The following HIF1A variants were observed in gnomAD, a reference collection of about 807,000 sequenced individuals.
HIF1A encodes hypoxia-inducible factor 1-alpha.
In HIF1A, 24 loss-of-function variants were observed where a neutral mutation model predicts 92.7. The ratio of observed to expected loss-of-function variants is 0.26; its 90% CI spans 0.19 to 0.36. The LOEUF (loss-of-function observed/expected upper bound fraction) is 0.36, where lower values mean the gene tolerates loss of function less well. Among genes scored for constraint, HIF1A ranks in the 10% least tolerant of loss-of-function variants. HIF1A has a pLI of 1.00. For synonymous variants in HIF1A, 319 were observed against 338.7 expected (o/e 0.94, Z 0.64); for missense variants, 799 against 998.5 (o/e 0.80, Z 2.69).
At chr14:61,700,181 A>G (rs2044162730) in intron 1 of HIF1A, among the ~76,000 whole-genome samples, 1 of 152,146 alleles carries the variant, frequency 6.6e-6, no homozygotes, top group Non-Finnish European at 1.5e-5. Context: ...TTAACCTAAA[A>G]TTTACCATCT....
intron 7 of HIF1A, among the ~76,000 whole-genome samples, chr14:61,733,777 G>A (rs1382392549): frequency 1.3e-5 from 2 of 152,142 alleles, no homozygotes; most frequent in Non-Finnish European, 2.9e-5. Context: ...GGAAACCATA[G>A]TCAGAATTTA....
At chr14:61,717,973 A>C (rs1334357377) in intron 1 of HIF1A, among the ~76,000 whole-genome samples, 1 of 151,496 alleles carries the variant, frequency 6.6e-6, no homozygotes, top group African/African-American at 2.4e-5. Flanking sequence ...GTGAACCAAG[A>C]TCTTGCCATT....
At chr14:61,732,620 TC>T (rs2044590252) in intron 7 of HIF1A, 96 bp downstream of exon 7, 4 of 733,368 alleles carry the variant, frequency 5.5e-6, no homozygotes, top group Non-Finnish European at 9.4e-6. Flanking sequence ...GGTTAAAAGT[TC>T]TAGACTAAAT....
Position 61,721,498 on chromosome 14 carries a change from GC to G in HIF1A, c.227-8del, listed in dbSNP as rs2044426628. ...TAACTAATTATTTTCCTCTTCTTGT[GC>G]CCTTTTTAGGTGATTTGGATATTGA... On this transcript the variant is annotated splice_polypyrimidine_tract_variant and intron_variant, in intron 2 of 14. Coordinates refer to ENST00000337138, the MANE Select transcript of HIF1A (RefSeq NM_001530.4). 4 of 1,605,062 alleles carry G rather than the reference GC, an allele frequency of 2.5e-6. No homozygotes were observed. Among genetic ancestry groups the G allele is most frequent in the Non-Finnish European group, 2.6e-6 (3 of 1,174,284 alleles).
At chr14:61,730,039 G>A (rs1338607591) in intron 6 of HIF1A, among the ~76,000 whole-genome samples, 2 of 152,046 alleles carry the variant, frequency 1.3e-5, no homozygotes, top group East Asian at 1.9e-4. Context: ...ACTATACTGA[G>A]TAATAATCAT....
intron 4 of HIF1A, among the ~76,000 whole-genome samples, chr14:61,725,983 C>T (rs2044498668): frequency 6.6e-6 from 1 of 151,900 alleles, no homozygotes; most frequent in Non-Finnish European, 1.5e-5. Flanking sequence ...TCACACCCAG[C>T]TAATTTTTGT....
In HIF1A at chr14:61,741,125, T is replaced by C. The variant is rs2140157026; in HGVS notation, c.2030T>C (p.Ile677Thr). The C allele has an allele frequency of 1.2e-6, 2 of 1,613,474 alleles. No individual in the cohort carries two copies. The highest frequency in any genetic ancestry group is 1.7e-6 in the Non-Finnish European group (2 of 1,179,864). Reference protein sequence around the residue: ...ASPNRAGKGVIEQTEKSHPRS... With the variant: ...ASPNRAGKGVTEQTEKSHPRS... ...CCAAACAGAGCAGGAAAAGGAGTCA[T>C]AGAACAGACAGAAAAATCTCATCCA... Residue 677 changes from isoleucine (I) to threonine (T), a missense_variant, in exon 12 of 15, where the codon ATA (isoleucine) becomes ACA (threonine). This residue lies in a region of HIF1A where 283 missense variants were observed against 277.5 expected (regional missense o/e 1.02). Transcript: ENST00000337138.
rs2044103081 is a variant in HIF1A, at chr14:61,695,604, TGAG to T, written c.-197_-195del. ...TCGGGCTGGGCCCTGACAAGCCACC[TGAG>T]GAGAGGCTCGGAGCCGGGCCCGGAC... On this transcript the variant is annotated 5_prime_UTR_variant, in exon 1 of 15. Coordinates refer to ENST00000337138, the MANE Select transcript of HIF1A (RefSeq NM_001530.4). 1.6e-6 allele frequency: 1 copy of T among 612,478 alleles called. No homozygotes were observed. The highest frequency in any genetic ancestry group is 2.0e-5 in the South Asian group (1 of 50,880). 37.9% of individuals were successfully genotyped at this position (612,478 alleles called of 1,614,324 possible).
chr14:61,736,572 T>C (rs1464750812), intron 8 of HIF1A, among the ~76,000 whole-genome samples: 1 of 152,216 alleles, frequency 6.6e-6, no homozygotes, highest in Non-Finnish European at 1.5e-5. Context: ...AGTGAGAACA[T>C]GCAGCATTTG....
chr14:61,735,780 C>T (rs928581560), intron 8 of HIF1A, among the ~76,000 whole-genome samples: 3 of 152,184 alleles, frequency 2.0e-5, no homozygotes, highest in Non-Finnish European at 2.9e-5. Flanking sequence ...TATGGCCCCT[C>T]TCTTAGAAAG....
At chr14:61,743,002 G>C (rs534246004) in intron 12 of HIF1A, among the ~76,000 whole-genome samples, 39 of 151,508 alleles carry the variant, frequency 2.6e-4, no homozygotes, top group African/African-American at 9.0e-4. Flanking sequence ...GGGATATCCA[G>C]TTTTCTGAAC....
intron 12 of HIF1A, among the ~76,000 whole-genome samples, chr14:61,743,258 A>G (rs963087421): frequency 1.3e-5 from 2 of 151,886 alleles, no homozygotes; most frequent in African/African-American, 4.8e-5. Flanking sequence ...TTTAGTAGAG[A>G]CAGTGTTTCT....
At chr14:61,723,800 AG>A (rs1456381104) in intron 4 of HIF1A, among the ~76,000 whole-genome samples, 1 of 152,242 alleles carries the variant, frequency 6.6e-6, no homozygotes, top group Non-Finnish European at 1.5e-5. Context: ...GTCTTAATAT[AG>A]TTTAAATGTA....
intron 4 of HIF1A, among the ~76,000 whole-genome samples, chr14:61,723,904 C>T (rs932415795): frequency 6.6e-6 from 1 of 152,114 alleles, no homozygotes; most frequent in African/African-American, 2.4e-5. Flanking sequence ...CATTGGGAAA[C>T]TAAAATGCAG....
At chr14:61,697,786 T>G in intron 1 of HIF1A, 2 of 1,449,360 alleles carry the variant, frequency 1.4e-6, no homozygotes, top group Non-Finnish European at 1.8e-6. Flanking sequence ...TTACAGTTTT[T>G]TGAAAGATAA....
chr14:61,731,614 G>A (rs2044576560), intron 6 of HIF1A, among the ~76,000 whole-genome samples: 1 of 151,360 alleles, frequency 6.6e-6, no homozygotes, highest in African/African-American at 2.4e-5. Context: ...TATTAGAATT[G>A]TGTAATGGCT....
Position 61,739,455 on chromosome 14 carries a change from A to C in HIF1A, c.1537-1050A>C, listed in dbSNP as rs2301112. Among the ~76,000 whole-genome samples the C allele has an allele frequency of 1.3e-3, 202 of 152,330 alleles. 5 individuals are homozygous for C. The East Asian group carries it at 0.035, about 26-fold the overall frequency. On this transcript the variant is annotated intron_variant, in intron 10 of 14. Coordinates refer to ENST00000337138, the MANE Select transcript of HIF1A (RefSeq NM_001530.4). ...AATGAGGCATAAATAAGCTTTAATAAGTGGTAAATAATTCTACATTAGGTA... is the reference window on the plus strand; with the variant it reads ...AATGAGGCATAAATAAGCTTTAATACGTGGTAAATAATTCTACATTAGGTA...
intron 4 of HIF1A, among the ~76,000 whole-genome samples, chr14:61,723,613 T>G (rs972752424): frequency 6.6e-6 from 1 of 152,220 alleles, no homozygotes; most frequent in African/African-American, 2.4e-5. Context: ...GTAAATATGC[T>G]GTGAACAAGG....
chr14:61,734,122 T>C lies in HIF1A; in HGVS notation c.881-16T>C. 6.6e-7 allele frequency: 1 copy of C among 1,512,238 alleles called. No homozygotes were observed. The highest frequency in any genetic ancestry group is 8.9e-7 in the Non-Finnish European group (1 of 1,126,064). The allele number at this position is 1,512,238 out of a possible 1,614,324, so 93.7% of individuals were successfully genotyped here. ...AAATATTTTCTCTGCATGATTCTTTTTCTTTTCCCCCCTAGTGTTTACTAA... is the reference window on the plus strand; with the variant it reads ...AAATATTTTCTCTGCATGATTCTTTCTCTTTTCCCCCCTAGTGTTTACTAA... On this transcript the variant is annotated splice_polypyrimidine_tract_variant and intron_variant, in intron 7 of 14. Coordinates refer to ENST00000337138, the MANE Select transcript of HIF1A (RefSeq NM_001530.4).
Sources: gnomAD v4.1 joint callset for allele counts (sites outside exome capture counted in the v4.1 genomes callset) on GRCh38, gnomAD v4.1.1 for gene constraint, gnomAD v4.1.1 regional missense constraint, MANE v1.5 for transcripts, NCBI Gene and HGNC (gene_info 2026-07-23, HGNC 2026-07-21) for gene names.